Variants in BACE1 observed in about 807,000 individuals in gnomAD.
BACE1 encodes beta-secretase 1.
BACE1 carries 21 observed loss-of-function variants against 54.0 expected under a neutral mutation model. The observed-to-expected ratio is 0.39, with a 90% confidence interval of 0.28 to 0.56. The LOEUF is 0.56. Among genes scored for constraint, BACE1 ranks in the 20% least tolerant of loss-of-function variants. The pLI is 0.63. For synonymous variants in BACE1, 232 were observed against 260.9 expected (o/e 0.89, Z 1.07); for missense variants, 511 against 661.2 (o/e 0.77, Z 2.49).
Position 117,293,813 on chromosome 11 carries a change from G to C in BACE1, c.705+58C>G, listed in dbSNP as rs2034522444. The C allele has an allele frequency of 6.4e-7, 1 of 1,550,852 alleles. No homozygotes were observed. Reference sequence around the variant, plus strand: ...TGGTGTAGCTTTCAGGAAGGGGAGAGGATGGCACCCATCTCTCCCTCAATG... The same window carrying C: ...TGGTGTAGCTTTCAGGAAGGGGAGACGATGGCACCCATCTCTCCCTCAATG... On this transcript the variant is annotated intron_variant, in intron 4 of 8. Coordinates refer to ENST00000313005, the MANE Select transcript of BACE1 (RefSeq NM_012104.6). This position sits in a 1 kb window ranked among gnomAD's most constrained non-coding sequence, Gnocchi z 4.1.
intron 3 of BACE1, 54 bp from the exon 4 acceptor site, chr11:117,294,062 C>A: frequency 6.4e-7 from 1 of 1,573,708 alleles, no homozygotes; most frequent in Non-Finnish European, 8.6e-7. Flanking sequence ...AAGGCAGAGG[C>A]CAGCTTCCTG....
At chr11:117,304,216 G>T (rs2034783679) in intron 1 of BACE1, among the ~76,000 whole-genome samples, 1 of 152,230 alleles carries the variant, frequency 6.6e-6, no homozygotes, top group Non-Finnish European at 1.5e-5. Flanking sequence ...GCTGTCCTCA[G>T]ATTCTGTGTG....
At chr11:117,296,011 A>T (rs1391091770) in intron 2 of BACE1, among the ~76,000 whole-genome samples, 1 of 152,052 alleles carries the variant, frequency 6.6e-6, no homozygotes, top group African/African-American at 2.4e-5. Flanking sequence ...TCCTACCTGC[A>T]CCCTCCTCCC....
At position 117,291,002 on chromosome 11, in the gene BACE1, G is replaced by A; in HGVS notation, c.990C>T (p.Cys330=). 6.2e-7 allele frequency: 1 copy of A among 1,614,206 alleles called. No homozygotes were observed. The highest frequency in any genetic ancestry group is 1.1e-5 in the South Asian group (1 of 91,090). Residue 330 remains cysteine, a synonymous_variant, in exon 7 of 9, where the codon TGC becomes TGT. Coordinates refer to ENST00000313005, the MANE Select transcript of BACE1 (RefSeq NM_012104.6). The part of the protein sequence containing the change: ...DGFWLGEQLV[C]WQAGTTPWNI... ...TCCAAGGGGTGGTGCCTGCTTGCCA[G>A]CACACCAGCTGCTCTCCTAGCCAGA...
chr11:117,315,725 T>A lies in BACE1; in HGVS notation c.71A>T (p.His24Leu). The A allele has an allele frequency of 6.7e-7, 1 of 1,484,892 alleles. No homozygotes were observed. The highest frequency in any genetic ancestry group is 8.9e-7 in the Non-Finnish European group (1 of 1,120,658). The allele number at this position is 1,484,892 out of a possible 1,614,324, so 92.0% of individuals were successfully genotyped here. A position where few individuals can be genotyped will look rare whatever the true frequency, so the allele number is the denominator to read the frequency against. ...AGVLPAHGTQ[H>L]GIRLPLRSGL... ...GCTGCGCAGGGGCAGCCGGATGCCG[T>A]GCTGGGTGCCGTGGGCAGGCAGCAC... The change falls in exon 1 of 9, where the codon CAC (histidine) becomes CTC (leucine). Residue 24 changes from histidine to leucine, a missense_variant. Around this residue, in one of 2 missense-constraint regions of BACE1, gnomAD observed 104 missense variants for 95.5 expected, o/e 1.09. Coordinates refer to ENST00000313005, the MANE Select transcript of BACE1 (RefSeq NM_012104.6). This position sits in a 1 kb window ranked among gnomAD's most constrained non-coding sequence, Gnocchi z 5.5.
At position 117,289,506 on chromosome 11, in the gene BACE1, C is replaced by G; in HGVS notation, c.*60G>C. On this transcript the variant is annotated 3_prime_UTR_variant, in exon 9 of 9. Transcript: ENST00000313005. ...TGCCATCTGTGTCTCCTACTTGTGA[C>G]CAAAGTGAACCACGGAGGTGTGGTC... The G allele has an allele frequency of 6.3e-7, 1 of 1,579,692 alleles. No homozygotes were observed. Among genetic ancestry groups the G allele is most frequent in the African/African-American group, 1.3e-5 (1 of 74,502 alleles).
chr11:117,312,004 C>A (rs1001678526), intron 1 of BACE1, among the ~76,000 whole-genome samples: 2 of 152,196 alleles, frequency 1.3e-5, no homozygotes, highest in African/African-American at 4.8e-5. Context: ...ATTCCCCTGC[C>A]CCAATAAATT....
At chr11:117,299,305 G>A (rs972905712) in intron 1 of BACE1, among the ~76,000 whole-genome samples, 1 of 152,090 alleles carries the variant, frequency 6.6e-6, no homozygotes, top group Non-Finnish European at 1.5e-5. Context: ...TGCCCCAGGG[G>A]CCTTCATTTC....
In BACE1 at chr11:117,315,754, C is replaced by T; in HGVS notation, c.42G>A (p.Ala14=). ...ALPWLLLWMG[A]GVLPAHGTQH... Reference sequence around the variant, plus strand: ...GGGTGCCGTGGGCAGGCAGCACTCCCGCGCCCATCCACAGCAGGAGCCAGG... The same window carrying T: ...GGGTGCCGTGGGCAGGCAGCACTCCTGCGCCCATCCACAGCAGGAGCCAGG... Residue 14 remains alanine (A), a synonymous_variant, in exon 1 of 9, where the codon GCG becomes GCA. Coordinates refer to ENST00000313005, the MANE Select transcript of BACE1 (RefSeq NM_012104.6). The surrounding 1 kb of genome is among the most constrained non-coding windows in gnomAD (Gnocchi z 5.5). 6.8e-7 allele frequency: 1 copy of T among 1,465,254 alleles called. No individual in the cohort carries two copies. The highest frequency in any genetic ancestry group is 9.0e-7 in the Non-Finnish European group (1 of 1,113,678). 90.8% of individuals were successfully genotyped at this position (1,465,254 alleles called of 1,614,324 possible). A position where few individuals can be genotyped will look rare whatever the true frequency, so the allele number is the denominator to read the frequency against.
rs761002162 is a variant in BACE1 at position 117,291,757 on chromosome 11, C to A, written c.897G>T (p.Lys299Asn). 2.4e-5 allele frequency: 38 copies of A among 1,613,534 alleles called. No individual in the cohort carries two copies. The highest frequency in any genetic ancestry group is 2.9e-5 in the Non-Finnish European group (34 of 1,179,686). ...ATTTGACTGCAGCTTCAAACACTTTCTTGGGCAAACGAAGGTTGGTGGTGC... is the reference window on the plus strand; with the variant it reads ...ATTTGACTGCAGCTTCAAACACTTTATTGGGCAAACGAAGGTTGGTGGTGC... Reference protein sequence around the residue: ...DSGTTNLRLPKKVFEAAVKSI... With the variant: ...DSGTTNLRLPNKVFEAAVKSI... The change falls in exon 6 of 9, where the codon AAG (lysine) becomes AAT (asparagine). Residue 299 changes from lysine to asparagine, a missense_variant. By Grantham distance (94) the Lys-to-Asn change is moderately conservative. This residue lies in a region of BACE1 where 407 missense variants were observed against 565.7 expected (regional missense o/e 0.72). Coordinates refer to ENST00000313005, the MANE Select transcript of BACE1 (RefSeq NM_012104.6).
At chr11:117,291,983 A>G (rs2034452979) in intron 5 of BACE1, 170 bp from the exon 6 acceptor site, 1 of 487,742 alleles carries the variant, frequency 2.1e-6, no homozygotes, top group African/African-American at 1.9e-5. Flanking sequence ...CTTCATCTCT[A>G]AAGTGAGGAT....
chr11:117,298,420 C>G lies in BACE1; in HGVS notation c.262-1459G>C, dbSNP rs555670932. Among the ~76,000 whole-genome samples, 4 of 152,340 alleles carry G rather than the reference C, an allele frequency of 2.6e-5. No individual in the cohort carries two copies. The East Asian group carries it at 7.7e-4, about 29-fold the overall frequency. On this transcript the variant is annotated intron_variant, in intron 1 of 8. Coordinates refer to ENST00000313005, the MANE Select transcript of BACE1 (RefSeq NM_012104.6). Reference sequence around the variant, plus strand: ...CTGTCTCTGTTCCCATGTCTCTCTACCGTCACATCACCCCTGCTCACTGTG... The same window carrying G: ...CTGTCTCTGTTCCCATGTCTCTCTAGCGTCACATCACCCCTGCTCACTGTG...
Position 117,297,026 on chromosome 11 carries a change from AT to A in BACE1, c.262-66del. The A allele has an allele frequency of 4.2e-6, 5 of 1,191,564 alleles. 1 individual carries two copies. The South Asian group carries it at 6.2e-5, about 15-fold the overall frequency. 73.8% of individuals were successfully genotyped at this position (1,191,564 alleles called of 1,614,324 possible). A position where few individuals can be genotyped will look rare whatever the true frequency, so the allele number is the denominator to read the frequency against. ...AGGCTTCGGTCACACCACCTTTATT[AT>A]CCCTCACGCCCCAGCCACAGTCTGC... On this transcript the variant is annotated intron_variant, in intron 1 of 8. Transcript: ENST00000313005.
intron 3 of BACE1, 133 bp downstream of exon 3, chr11:117,294,998 C>G: frequency 1.1e-6 from 1 of 929,882 alleles, no homozygotes; most frequent in Non-Finnish European, 1.7e-6. Context: ...GACTGCCACC[C>G]TATACCCCTG....
intron 1 of BACE1, among the ~76,000 whole-genome samples, chr11:117,314,031 G>C (rs2035014907): frequency 6.6e-6 from 1 of 152,178 alleles, no homozygotes; most frequent in Admixed American, 6.6e-5. Context: ...AAAAGCTGTG[G>C]GTGGTAGAGC....
chr11:117,294,778 G>A (rs1332492255), intron 3 of BACE1, among the ~76,000 whole-genome samples: 4 of 151,626 alleles, frequency 2.6e-5, no homozygotes, highest in Admixed American at 2.0e-4. Context: ...CCAGCTACTC[G>A]GGAGGCTGAG....
chr11:117,297,303 T>G, intron 1 of BACE1: 2 of 248,000 alleles, frequency 8.1e-6, no homozygotes, highest in Non-Finnish European at 7.7e-6. Flanking sequence ...GATGATTTTA[T>G]ACCATCTTGA....
intron 1 of BACE1, among the ~76,000 whole-genome samples, chr11:117,302,636 A>C (rs1315042158): frequency 6.6e-6 from 1 of 152,192 alleles, no homozygotes; most frequent in African/African-American, 2.4e-5. Flanking sequence ...TAATCCCAAC[A>C]ATTTGGGAGG....
rs2134432489 is a variant in BACE1 at position 117,286,482 on chromosome 11, C to G, written c.*3084G>C. The G allele has an allele frequency of 6.6e-6, 1 of 152,550 alleles. No individual in the cohort carries two copies. The highest frequency in any genetic ancestry group is 1.9e-4 in the East Asian group (1 of 5,184). 9.4% of individuals were successfully genotyped at this position (152,550 alleles called of 1,614,324 possible). A position where few individuals can be genotyped will look rare whatever the true frequency, so the allele number is the denominator to read the frequency against. Reference sequence around the variant, plus strand: ...GTTAACTTTTTAAAAAAACTGACTCCAGGGAAAGGACATTATTATATTACC... The same window carrying G: ...GTTAACTTTTTAAAAAAACTGACTCGAGGGAAAGGACATTATTATATTACC... On this transcript the variant is annotated 3_prime_UTR_variant, in exon 9 of 9. Transcript: ENST00000313005.
Sources: allele counts gnomAD v4.1 joint callset (sites outside exome capture counted in the v4.1 genomes callset), GRCh38; gene constraint gnomAD v4.1.1; regional missense constraint gnomAD v4.1.1; non-coding constraint Gnocchi (gnomAD v3.1); transcripts MANE v1.5; gene names NCBI Gene and HGNC (gene_info 2026-07-23, HGNC 2026-07-21).